Variants in PGM5 observed in about 807,000 individuals in gnomAD.
PGM5 encodes the protein phosphoglucomutase-like protein 5.
In PGM5, 23 loss-of-function variants were observed where a neutral mutation model predicts 59.2. The observed-to-expected ratio is 0.39, with a 90% CI of 0.28 to 0.55. The LOEUF (loss-of-function observed/expected upper bound fraction) is 0.55, where lower values mean the gene tolerates loss of function less well. PGM5 is among the 20% of genes least tolerant of loss of function. The pLI is 0.66. For missense variants in PGM5, 574 were observed against 748.3 expected, an observed-to-expected ratio of 0.77 and a Z score of 2.72; for synonymous variants, 214 against 286.0, an observed-to-expected ratio of 0.75 and a Z score of 2.54.
Position 68,452,361 on chromosome 9 carries a change from C to T in PGM5, c.1044-12732C>T, listed in dbSNP as rs11142483. Among the ~76,000 whole-genome samples the T allele has an allele frequency of 5.2e-3, 799 of 152,306 alleles. 1 individual carries two copies. Among genetic ancestry groups the T allele is most frequent in the African/African-American group, 0.019 (781 of 41,572 alleles). Reference sequence around the variant, plus strand: ...AGCCCCTACACGGAATGGAACCACGCAGACCAACATGGCCCTTGCCTCAGT... The same window carrying T: ...AGCCCCTACACGGAATGGAACCACGTAGACCAACATGGCCCTTGCCTCAGT... On this transcript the variant is annotated intron_variant, in intron 6 of 10. Transcript: ENST00000396396.
chr9:68,382,077 G>GA (rs200255962), intron 2 of PGM5, among the ~76,000 whole-genome samples: 11,511 of 151,274 alleles, frequency 0.076, 518 homozygotes, highest in Middle Eastern at 0.19. Context: ...CAATGTTGAG[G>GA]AAAAAAAAGT....
intron 1 of PGM5, among the ~76,000 whole-genome samples, chr9:68,365,140 A>AC (rs1197123089): frequency 7.6e-5 from 11 of 145,670 alleles, no homozygotes; most frequent in African/African-American, 2.7e-4. Flanking sequence ...ATTAATCCTA[A>AC]CCCTCTCAGT....
At chr9:68,476,992 T>C (rs781894812) in intron 7 of PGM5, among the ~76,000 whole-genome samples, 135 of 152,150 alleles carry the variant, frequency 8.9e-4, no homozygotes, top group Non-Finnish European at 1.9e-4. Flanking sequence ...TGATTTTTTT[T>C]TTCAGCTGTA....
At chr9:68,386,366 A>G (rs1273022075) in intron 3 of PGM5, among the ~76,000 whole-genome samples, 1 of 152,186 alleles carries the variant, frequency 6.6e-6, no homozygotes, top group East Asian at 1.9e-4. Context: ...ATAATTTAAA[A>G]GTATCCATGT....
At chr9:68,494,479 A>C (rs1206955095) in intron 9 of PGM5, among the ~76,000 whole-genome samples, 1 of 152,214 alleles carries the variant, frequency 6.6e-6, no homozygotes, top group Admixed American at 6.5e-5. Context: ...AAAAGAGGTT[A>C]TTGCAATTAG....
chr9:68,529,468 T>C, intron 10 of PGM5, 99 bp from the exon 11 acceptor site: 1 of 823,136 alleles, frequency 1.2e-6, no homozygotes, highest in Non-Finnish European at 2.0e-6. Flanking sequence ...AAACAGTGAA[T>C]TGGAATCTGA....
At chr9:68,494,663 A>G (rs1231090169) in intron 9 of PGM5, among the ~76,000 whole-genome samples, 1 of 152,190 alleles carries the variant, frequency 6.6e-6, no homozygotes, top group Non-Finnish European at 1.5e-5. Context: ...TGGTTTGCCT[A>G]AGGTCATACA....
intron 6 of PGM5, among the ~76,000 whole-genome samples, chr9:68,393,158 G>A (rs1313010841): frequency 6.6e-5 from 10 of 151,934 alleles, no homozygotes; most frequent in South Asian, 2.1e-4. Flanking sequence ...CAACCAGCAC[G>A]TGTTATTATA....
At chr9:68,504,217 G>T (rs562314170) in intron 10 of PGM5, among the ~76,000 whole-genome samples, 1 of 152,242 alleles carries the variant, frequency 6.6e-6, no homozygotes, top group East Asian at 1.9e-4. Flanking sequence ...TCACCAACTT[G>T]ACATGTGCAA....
At chr9:68,376,825 CTTTCTTTCTCTT>C (rs1269131264) in intron 1 of PGM5, among the ~76,000 whole-genome samples, 11 of 102,174 alleles carry the variant, frequency 1.1e-4, no homozygotes, top group Non-Finnish European at 1.2e-4. Flanking sequence ...TTCTTTCTTT[CTTTCTTTCTCTT>C]TCTTTCTTTC....
chr9:68,421,693 G>A (rs1206961172), intron 6 of PGM5, among the ~76,000 whole-genome samples: 1 of 151,976 alleles, frequency 6.6e-6, no homozygotes, highest in Non-Finnish European at 1.5e-5. Flanking sequence ...CTCCAGCCTG[G>A]GTGACAGAGT....
chr9:68,523,352 C>A (rs1262783889), intron 10 of PGM5, among the ~76,000 whole-genome samples: 1 of 152,156 alleles, frequency 6.6e-6, no homozygotes, highest in Non-Finnish European at 1.5e-5. Context: ...AGTTCTTGGG[C>A]CCCAACCCAG....
In PGM5 at chr9:68,521,515, C is replaced by T. The variant is rs557945606; in HGVS notation, c.1615-8052C>T. Among the ~76,000 whole-genome samples the T allele has an allele frequency of 5.9e-5, 9 of 152,222 alleles. No individual in the cohort carries two copies. In the South Asian group the frequency reaches 1.9e-3, roughly 32 times the overall value. ...TTTCAATCTTGAAGTTTTATTTCTG[C>T]TAACCATTTGGTAAAGGCAGAGGAG... On this transcript the variant is annotated intron_variant, in intron 10 of 10. Coordinates refer to ENST00000396396, the MANE Select transcript of PGM5 (RefSeq NM_021965.4).
chr9:68,389,566 T>C (rs1192957698), intron 4 of PGM5, among the ~76,000 whole-genome samples: 1 of 152,174 alleles, frequency 6.6e-6, no homozygotes, highest in Non-Finnish European at 1.5e-5. Context: ...TGGTGTTGCA[T>C]GTATCAGTAG....
At chr9:68,463,949 C>T (rs896204204) in intron 6 of PGM5, among the ~76,000 whole-genome samples, 2 of 152,134 alleles carry the variant, frequency 1.3e-5, no homozygotes, top group Non-Finnish European at 2.9e-5. Flanking sequence ...GGGATTGTAT[C>T]TGGATAAACC....
intron 10 of PGM5, among the ~76,000 whole-genome samples, chr9:68,516,383 T>C (rs1824824564): frequency 6.6e-6 from 1 of 152,192 alleles, no homozygotes. Context: ...TTCCCTTTTA[T>C]GTCCTCAGAT....
intron 9 of PGM5, among the ~76,000 whole-genome samples, chr9:68,495,753 C>A (rs1424661182): frequency 6.6e-6 from 1 of 152,122 alleles, no homozygotes; most frequent in Non-Finnish European, 1.5e-5. Context: ...ATTTTATATC[C>A]TTATAACAAT....
intron 6 of PGM5, among the ~76,000 whole-genome samples, chr9:68,434,334 AAAAAAG>A (rs1564004817): frequency 7.4e-6 from 1 of 135,704 alleles, no homozygotes; most frequent in Non-Finnish European, 1.5e-5. Context: ...AAAAAAAAAA[AAAAAAG>A]AAAAAGAAAA....
At chr9:68,520,161 T>C (rs1460630134) in intron 10 of PGM5, among the ~76,000 whole-genome samples, 1 of 150,310 alleles carries the variant, frequency 6.7e-6, no homozygotes, top group African/African-American at 2.4e-5. Flanking sequence ...TACAGAAAAT[T>C]TGAAAGTTAA....
Sources: gnomAD v4.1 joint callset for allele counts (sites outside exome capture counted in the v4.1 genomes callset) on GRCh38, gnomAD v4.1.1 for gene constraint, MANE v1.5 for transcripts, NCBI Gene and HGNC (gene_info 2026-07-23, HGNC 2026-07-21) for gene names.